Variants in CCDC177 observed in about 807,000 individuals in gnomAD.
CCDC177 encodes the protein coiled-coil domain-containing protein 177.
A neutral mutation model predicts 7.3 loss-of-function variants in CCDC177; 2 were observed. That is an observed-to-expected ratio of 0.28 (90% CI 0.11 to 0.87). CCDC177 has a LOEUF of 0.87. Ranked by LOEUF, CCDC177 falls within the 40% of genes least tolerant of loss-of-function variation. CCDC177 has a pLI of 0.61. For synonymous variants in CCDC177, 401 were observed against 449.2 expected, an observed-to-expected ratio of 0.89 and a Z score of 1.36; for missense variants, 874 against 970.5, an observed-to-expected ratio of 0.90 and a Z score of 1.32.
At position 69,572,538 on chromosome 14, in the gene CCDC177, G is replaced by A. The variant is rs912516693; in HGVS notation, c.1085C>T (p.Ala362Val). 2 of 1,230,950 alleles carry A rather than the reference G, an allele frequency of 1.6e-6. No individual in the cohort carries two copies. Among genetic ancestry groups the A allele is most frequent in the East Asian group, 3.2e-5 (1 of 31,674 alleles). The allele number at this position is 1,230,950 out of a possible 1,614,324, so 76.3% of individuals were successfully genotyped here. ...ELLLLEQRAA[A>V]HGQWELQRVH... ...GCGCTGCAGCTCCCACTGGCCGTGG[G>A]CAGCCGCGCGTTGCTCCAGCAGCAG... The change falls in exon 2 of 2, where the codon GCC becomes GTC. Residue 362 changes from alanine to valine, a missense_variant. Ala to Val is a moderately conservative substitution (Grantham distance 64, BLOSUM62 0). Transcript: ENST00000599174.
rs1414653061 is a variant in CCDC177, at chr14:69,570,788, G to C, written c.*711C>G. The C allele has an allele frequency of 2.2e-6, 1 of 457,524 alleles. No homozygotes were observed. The highest frequency in any genetic ancestry group is 6.9e-5 in the East Asian group (1 of 14,390). The allele number at this position is 457,524 out of a possible 1,614,324, so 28.3% of individuals were successfully genotyped here. On this transcript the variant is annotated 3_prime_UTR_variant, in exon 2 of 2. Transcript: ENST00000599174. The stretch of plus-strand genomic sequence containing the variant: ...GCATCACCAAACCAACCAATTTCCT[G>C]TGCCACTTGGTAGAATGAGGGAGGG...
chr14:69,572,704 C>A lies in CCDC177; in HGVS notation c.919G>T (p.Asp307Tyr), dbSNP rs1884355792. 4.1e-6 allele frequency: 5 copies of A among 1,231,498 alleles called. No homozygotes were observed. In the South Asian group the frequency reaches 1.6e-4, roughly 41 times the overall value. 76.3% of individuals were successfully genotyped at this position (1,231,498 alleles called of 1,614,324 possible). A position where few individuals can be genotyped will look rare whatever the true frequency, so the allele number is the denominator to read the frequency against. Residue 307 changes from aspartate to tyrosine, a missense_variant, in exon 2 of 2, where the codon GAC becomes TAC. Transcript: ENST00000599174. ...PITGRSFSLG[D>Y]LSHSPQTAQH... ...GCGGTCTGCGGCGAATGGCTCAGGT[C>A]GCCGAGGCTGAAGCTGCGGCCGGTG...
rs1371601222 is a variant in CCDC177, at chr14:69,572,324, T to C, written c.1299A>G (p.Glu433=). ...RSEERRRELA[E]RQGLLRRERA... ...GCTCCCGCCGCAGGAGGCCCTGGCGTTCGGCCAGCTCCCGCCGCCGCTCCT... is the reference window on the plus strand; with the variant it reads ...GCTCCCGCCGCAGGAGGCCCTGGCGCTCGGCCAGCTCCCGCCGCCGCTCCT... Residue 433 remains glutamate, a synonymous_variant, in exon 2 of 2, where the codon GAA becomes GAG. Coordinates refer to ENST00000599174, the MANE Select transcript of CCDC177 (RefSeq NM_001271507.2). 8.2e-7 allele frequency: 1 copy of C among 1,226,272 alleles called. No individual in the cohort carries two copies. Among genetic ancestry groups the C allele is most frequent in the African/African-American group, 1.6e-5 (1 of 63,992 alleles). The allele number at this position is 1,226,272 out of a possible 1,614,324, so 76.0% of individuals were successfully genotyped here.
chr14:69,570,778 C>G lies in CCDC177; in HGVS notation c.*721G>C, dbSNP rs551737878. On this transcript the variant is annotated 3_prime_UTR_variant, in exon 2 of 2. Transcript: ENST00000599174. ...AAGCTAAACAGCATCACCAAACCAA[C>G]CAATTTCCTGTGCCACTTGGTAGAA... 2.2e-6 allele frequency: 1 copy of G among 457,486 alleles called. No homozygotes were observed. Among genetic ancestry groups the G allele is most frequent in the Non-Finnish European group, 4.4e-6 (1 of 226,768 alleles). 28.3% of individuals were successfully genotyped at this position (457,486 alleles called of 1,614,324 possible). A position where few individuals can be genotyped will look rare whatever the true frequency, so the allele number is the denominator to read the frequency against.
chr14:69,573,304 G>C lies in CCDC177; in HGVS notation c.319C>G (p.Pro107Ala). ...AGGGCCCGTGGCAGCAGCTCCACCG[G>C]CTTGACCGCACAGCGGGCGCAGGCC... ...LEACARCAVK[P>A]VELLPRALAD... Residue 107 changes from proline (P) to alanine (A), a missense_variant, in exon 2 of 2, where the codon CCG (proline) becomes GCG (alanine). Transcript: ENST00000599174. 8.1e-7 allele frequency: 1 copy of C among 1,231,386 alleles called. No homozygotes were observed. The highest frequency in any genetic ancestry group is 1.0e-6 in the Non-Finnish European group (1 of 987,722). 76.3% of individuals were successfully genotyped at this position (1,231,386 alleles called of 1,614,324 possible). A position where few individuals can be genotyped will look rare whatever the true frequency, so the allele number is the denominator to read the frequency against.
At position 69,572,129 on chromosome 14, in the gene CCDC177, C is replaced by G; in HGVS notation, c.1494G>C (p.Gln498His). The change falls in exon 2 of 2, where the codon CAG becomes CAC. Residue 498 changes from glutamine (Q) to histidine (H), a missense_variant. By Grantham distance (24) the Gln-to-His change is conservative (BLOSUM62 0). Coordinates refer to ENST00000599174, the MANE Select transcript of CCDC177 (RefSeq NM_001271507.2). Reference protein sequence around the residue: ...RAKQRQEGQLQREKRELSRAE... With the variant: ...RAKQRQEGQLHREKRELSRAE... ...CCCGGCTCAGCTCCCGCTTCTCCCG[C>G]TGCAGCTGGCCCTCCTGCCGCTGCT... 1 of 1,231,174 alleles carries G rather than the reference C, an allele frequency of 8.1e-7. No homozygotes were observed. Among genetic ancestry groups the G allele is most frequent in the South Asian group, 4.1e-5 (1 of 24,320 alleles). The allele number at this position is 1,231,174 out of a possible 1,614,324, so 76.3% of individuals were successfully genotyped here. A position where few individuals can be genotyped will look rare whatever the true frequency, so the allele number is the denominator to read the frequency against.
In CCDC177 at chr14:69,571,364, C is replaced by T. The variant is rs933069534; in HGVS notation, c.*135G>A. The T allele has an allele frequency of 3.6e-6, 2 of 553,748 alleles. No homozygotes were observed. Among genetic ancestry groups the T allele is most frequent in the South Asian group, 5.0e-5 (1 of 20,072 alleles). 34.3% of individuals were successfully genotyped at this position (553,748 alleles called of 1,614,324 possible). On this transcript the variant is annotated 3_prime_UTR_variant, in exon 2 of 2. Coordinates refer to ENST00000599174, the MANE Select transcript of CCDC177 (RefSeq NM_001271507.2). ...AGCTGACAGGTCCCAAACGTCTGTA[C>T]TGTTGTTGCCTCATTGGTCAGAAGC...
At position 69,571,592 on chromosome 14, in the gene CCDC177, G is replaced by A. The variant is rs1412282195; in HGVS notation, c.2031C>T (p.His677=). ...TCTCCTCGCGCACCTTCTCACGCAC[G>A]TGGAAGGAAGCCCGGGCTGTGGAGC... ...SARSTARASF[H]VREKVREETN... is the part of the protein sequence containing the mutation. Residue 677 remains histidine, a synonymous_variant, in exon 2 of 2, where the codon CAC becomes CAT. Coordinates refer to ENST00000599174, the MANE Select transcript of CCDC177 (RefSeq NM_001271507.2). 8.1e-7 allele frequency: 1 copy of A among 1,235,120 alleles called. No homozygotes were observed. Among genetic ancestry groups the A allele is most frequent in the Non-Finnish European group, 1.0e-6 (1 of 989,942 alleles). 76.5% of individuals were successfully genotyped at this position (1,235,120 alleles called of 1,614,324 possible). A position where few individuals can be genotyped will look rare whatever the true frequency, so the allele number is the denominator to read the frequency against.
In CCDC177 at chr14:69,570,461, G is replaced by C. The variant is rs45553238; in HGVS notation, c.*1038C>G. On this transcript the variant is annotated 3_prime_UTR_variant, in exon 2 of 2. Coordinates refer to ENST00000599174, the MANE Select transcript of CCDC177 (RefSeq NM_001271507.2). The stretch of plus-strand genomic sequence containing the variant: ...TCAACAAAGGCAATTCCAGCTCTTC[G>C]GCCACCACAGTAAAGCAGCCAAGGA... 47 of 232,796 alleles carry C rather than the reference G, an allele frequency of 2.0e-4. No homozygotes were observed. The highest frequency in any genetic ancestry group is 1.0e-3 in the African/African-American group (45 of 45,036). The allele number at this position is 232,796 out of a possible 1,614,324, so 14.4% of individuals were successfully genotyped here.
chr14:69,572,063 G>A lies in CCDC177; in HGVS notation c.1560C>T (p.Thr520=). The A allele has an allele frequency of 8.1e-7, 1 of 1,230,896 alleles. No individual in the cohort carries two copies. Among genetic ancestry groups the A allele is most frequent in the Non-Finnish European group, 1.0e-6 (1 of 987,420 alleles). 76.2% of individuals were successfully genotyped at this position (1,230,896 alleles called of 1,614,324 possible). The change falls in exon 2 of 2, where the codon ACC becomes ACT. Residue 520 remains threonine (T), a synonymous_variant. Transcript: ENST00000599174. ...ARHEALLQGR[T]RQQRQEREGL... Reference sequence around the variant, plus strand: ...CCTCTCGCTCCTGGCGCTGCTGCCGGGTCCGACCCTGTAGCAGCGCCTCGT... The same window carrying A: ...CCTCTCGCTCCTGGCGCTGCTGCCGAGTCCGACCCTGTAGCAGCGCCTCGT...
Position 69,573,052 on chromosome 14 carries a change from A to AGCTGCT in CCDC177, c.565_570dup (p.Ser189_Ser190dup), listed in dbSNP as rs1268499356. 2 of 1,220,102 alleles carry AGCTGCT rather than the reference A, an allele frequency of 1.6e-6. No homozygotes were observed. The highest frequency in any genetic ancestry group is 1.6e-5 in the African/African-American group (1 of 62,990). 75.6% of individuals were successfully genotyped at this position (1,220,102 alleles called of 1,614,324 possible). On this transcript the variant is annotated inframe_insertion, in exon 2 of 2. Transcript: ENST00000599174. ...GAGGCCGGGAGGCTGGCGCTGCTGC[A>AGCTGCT]GCTGCTGCTGCTGCCCGCGCTCGGG...
At position 69,570,619 on chromosome 14, in the gene CCDC177, C is replaced by G; in HGVS notation, c.*880G>C. On this transcript the variant is annotated 3_prime_UTR_variant, in exon 2 of 2. Coordinates refer to ENST00000599174, the MANE Select transcript of CCDC177 (RefSeq NM_001271507.2). ...TAGGCAGGAACAGCCTGGGCAGGCA[C>G]GTAAGGTAGCTCTGCTTCTTAAGGC... 2 of 362,214 alleles carry G rather than the reference C, an allele frequency of 5.5e-6. No individual in the cohort carries two copies. Among genetic ancestry groups the G allele is most frequent in the Non-Finnish European group, 1.1e-5 (2 of 185,760 alleles). The allele number at this position is 362,214 out of a possible 1,614,324, so 22.4% of individuals were successfully genotyped here. A position where few individuals can be genotyped will look rare whatever the true frequency, so the allele number is the denominator to read the frequency against.
At chr14:69,573,768 G>A (rs776070246) in intron 1 of CCDC177, 118 bp from the exon 2 acceptor site, 48 of 951,190 alleles carry the variant, frequency 5.0e-5, no homozygotes, top group Non-Finnish European at 6.1e-5. Context: ...AGGCTTTGGT[G>A]GAACGTAAAT....
In CCDC177 at chr14:69,571,204, C is replaced by T. The variant is rs909255195; in HGVS notation, c.*295G>A. 1.8e-6 allele frequency: 1 copy of T among 549,032 alleles called. No homozygotes were observed. The highest frequency in any genetic ancestry group is 3.3e-6 in the Non-Finnish European group (1 of 305,582). 34.0% of individuals were successfully genotyped at this position (549,032 alleles called of 1,614,324 possible). On this transcript the variant is annotated 3_prime_UTR_variant, in exon 2 of 2. Transcript: ENST00000599174. ...ACCAGTCCTGATCAGCCCCTTTCCCCCAAGCTTCTCTATTCCAGCCCAAGA... is the reference window on the plus strand; with the variant it reads ...ACCAGTCCTGATCAGCCCCTTTCCCTCAAGCTTCTCTATTCCAGCCCAAGA...
chr14:69,572,997 G>A lies in CCDC177; in HGVS notation c.626C>T (p.Ser209Phe), dbSNP rs1884365451. Reference sequence around the variant, plus strand: ...GGTCCGGGCGGAGGAGGGACTAGGGGAAGCCTTGCGGGCCGCACGCGGCGC... The same window carrying A: ...GGTCCGGGCGGAGGAGGGACTAGGGAAAGCCTTGCGGGCCGCACGCGGCGC... Reference protein sequence around the residue: ...SPAPRAARKASPSPSSARTQP... With the variant: ...SPAPRAARKAFPSPSSARTQP... The change falls in exon 2 of 2, where the codon TCC becomes TTC. Residue 209 changes from serine to phenylalanine, a missense_variant. Transcript: ENST00000599174. 1 of 1,230,702 alleles carries A rather than the reference G, an allele frequency of 8.1e-7. No individual in the cohort carries two copies. The highest frequency in any genetic ancestry group is 1.0e-6 in the Non-Finnish European group (1 of 987,454). The allele number at this position is 1,230,702 out of a possible 1,614,324, so 76.2% of individuals were successfully genotyped here. A position where few individuals can be genotyped will look rare whatever the true frequency, so the allele number is the denominator to read the frequency against.
In CCDC177 at chr14:69,572,240, C is replaced by T; in HGVS notation, c.1383G>A (p.Leu461=). The part of the protein sequence containing the change: ...RLRKLQQEQN[L]KQREEGLQEG... The stretch of plus-strand genomic sequence containing the variant: ...CCTGTAGACCTTCCTCACGTTGCTT[C>T]AGGTTCTGCTCCTGCTGAAGCTTGC... Residue 461 remains leucine (L), a synonymous_variant, in exon 2 of 2, where the codon CTG becomes CTA. Coordinates refer to ENST00000599174, the MANE Select transcript of CCDC177 (RefSeq NM_001271507.2). 1 of 1,229,760 alleles carries T rather than the reference C, an allele frequency of 8.1e-7. No homozygotes were observed. Among genetic ancestry groups the T allele is most frequent in the South Asian group, 4.1e-5 (1 of 24,304 alleles). The allele number at this position is 1,229,760 out of a possible 1,614,324, so 76.2% of individuals were successfully genotyped here. A position where few individuals can be genotyped will look rare whatever the true frequency, so the allele number is the denominator to read the frequency against.
chr14:69,572,124 T>TC lies in CCDC177; in HGVS notation c.1498dup (p.Glu500GlyfsTer181), dbSNP rs1008606146. On this transcript the variant is annotated frameshift_variant, in exon 2 of 2. Coordinates refer to ENST00000599174, the MANE Select transcript of CCDC177 (RefSeq NM_001271507.2). LOFTEE classifies it low-confidence loss of function (END_TRUNC). ...CTCGGCCCGGCTCAGCTCCCGCTTC[T>TC]CCCGCTGCAGCTGGCCCTCCTGCCG... The TC allele has an allele frequency of 3.2e-6, 4 of 1,230,962 alleles. No individual in the cohort carries two copies. The African/African-American group carries it at 6.2e-5, about 19-fold the overall frequency. The allele number at this position is 1,230,962 out of a possible 1,614,324, so 76.3% of individuals were successfully genotyped here. A position where few individuals can be genotyped will look rare whatever the true frequency, so the allele number is the denominator to read the frequency against.
At chr14:69,573,706 C>T in intron 1 of CCDC177, 56 bp from the exon 2 acceptor site, 1 of 1,221,148 alleles carries the variant, frequency 8.2e-7, no homozygotes, top group Admixed American at 4.2e-5. Flanking sequence ...TTCCCCCCTC[C>T]TCATCCATAG....
At chr14:69,574,056 C>T (rs1222979840) in intron 1 of CCDC177, among the ~76,000 whole-genome samples, 1 of 152,220 alleles carries the variant, frequency 6.6e-6, no homozygotes, top group Non-Finnish European at 1.5e-5. Flanking sequence ...AGGCGGGCTA[C>T]TGGGGATGCA....
Sources: allele counts gnomAD v4.1 joint callset (sites outside exome capture counted in the v4.1 genomes callset), GRCh38; gene constraint gnomAD v4.1.1; transcripts MANE v1.5; gene names NCBI Gene and HGNC (gene_info 2026-07-23, HGNC 2026-07-21).